PLCB4: variants seen among roughly 807,000 people sequenced by gnomAD.
The protein encoded by PLCB4 is phospholipase C beta 4.
Under a neutral mutation model 178.8 loss-of-function variants are expected in PLCB4, and 77 were observed. The ratio of observed to expected loss-of-function variants is 0.43; its 90% CI spans 0.36 to 0.52. PLCB4 has a LOEUF of 0.52. Among genes scored for constraint, PLCB4 ranks in the 20% least tolerant of loss-of-function variants. The probability of loss-of-function intolerance (pLI) is 0.00; values close to 1 mark genes in which losing one functional copy is unlikely to be tolerated. For synonymous variants in PLCB4, 496 were observed against 490.8 expected (o/e 1.01, Z -0.14); for missense variants, 1,024 against 1,453.4 (o/e 0.70, Z 4.80).
intron 3 of PLCB4, among the ~76,000 whole-genome samples, chr20:9,295,876 T>A (rs1333741040): frequency 6.6e-6 from 1 of 152,080 alleles, no homozygotes; most frequent in Non-Finnish European, 1.5e-5. Context: ...CTTTGTTCTT[T>A]TGGCTTAGAC....
intron 3 of PLCB4, among the ~76,000 whole-genome samples, chr20:9,285,088 A>G (rs1015336205): frequency 6.6e-6 from 1 of 151,730 alleles, no homozygotes; most frequent in Non-Finnish European, 1.5e-5. Flanking sequence ...GAAAACCATC[A>G]AAAAACAAGG....
At chr20:9,233,990 T>C (rs1403709904) in intron 3 of PLCB4, among the ~76,000 whole-genome samples, 1 of 152,074 alleles carries the variant, frequency 6.6e-6, no homozygotes, top group Non-Finnish European at 1.5e-5. Context: ...AGGTAGCTAT[T>C]GGATTAACAC....
At chr20:9,104,736 C>G (rs1019062129) in intron 2 of PLCB4, among the ~76,000 whole-genome samples, 1 of 151,824 alleles carries the variant, frequency 6.6e-6, no homozygotes, top group African/African-American at 2.4e-5. Flanking sequence ...TTCTCTCTTC[C>G]CAGAATATTA....
chr20:9,380,007 C>T (rs2037004691), intron 12 of PLCB4, 47 bp from the exon 13 acceptor site: 2 of 991,068 alleles, frequency 2.0e-6, no homozygotes, highest in Non-Finnish European at 3.2e-6. Context: ...TCTAATGCCT[C>T]AAGGCCAAGA....
At chr20:9,395,395 G>A in intron 18 of PLCB4, 128 bp from the exon 19 acceptor site, 1 of 646,770 alleles carries the variant, frequency 1.5e-6, no homozygotes, top group Non-Finnish European at 2.8e-6. Context: ...TTAGAAACAT[G>A]GTGCCTTGGT....
chr20:9,171,747 T>C (rs1381771656), intron 2 of PLCB4, among the ~76,000 whole-genome samples: 1 of 152,188 alleles, frequency 6.6e-6, no homozygotes, highest in Non-Finnish European at 1.5e-5. Context: ...GATGATGTAA[T>C]TGGAGGCGGC....
At chr20:9,088,178 CTTTTTTTTT>C (rs10554943) in intron 1 of PLCB4, among the ~76,000 whole-genome samples, 8 of 99,194 alleles carry the variant, frequency 8.1e-5, no homozygotes, top group East Asian at 2.3e-4. Flanking sequence ...CTTTTCTTTT[CTTTTTTTTT>C]TTTTTTTTTG....
chr20:9,454,555 G>GT (rs896837112), intron 33 of PLCB4, among the ~76,000 whole-genome samples: 3 of 152,226 alleles, frequency 2.0e-5, no homozygotes, highest in Admixed American at 1.3e-4. Context: ...TCCTACTTGG[G>GT]TTTTTTGGCA....
intron 28 of PLCB4, among the ~76,000 whole-genome samples, chr20:9,432,217 C>G (rs1191528406): frequency 6.6e-6 from 1 of 152,052 alleles, no homozygotes; most frequent in Non-Finnish European, 1.5e-5. Context: ...CAAAAATATA[C>G]AAAAATGCTT....
intron 2 of PLCB4, among the ~76,000 whole-genome samples, chr20:9,119,518 G>GAA (rs11481752): frequency 1.6e-3 from 212 of 131,550 alleles, no homozygotes; most frequent in Non-Finnish European, 2.4e-3. Context: ...AGAGAAAGGA[G>GAA]AAAAAAAAAA....
intron 2 of PLCB4, among the ~76,000 whole-genome samples, chr20:9,117,329 A>G (rs2091814997): frequency 6.6e-6 from 1 of 152,198 alleles, no homozygotes; most frequent in Non-Finnish European, 1.5e-5. Context: ...ATATTTTTAC[A>G]GCTCAGGATA....
intron 4 of PLCB4, among the ~76,000 whole-genome samples, chr20:9,331,582 T>C (rs1174423632): frequency 5.9e-5 from 9 of 152,222 alleles, no homozygotes; most frequent in Non-Finnish European, 1.2e-4. Flanking sequence ...CCTGCTGAAC[T>C]CTCTGACATT....
chr20:9,359,748 A>G (rs921173227), intron 7 of PLCB4, among the ~76,000 whole-genome samples: 4 of 152,172 alleles, frequency 2.6e-5, no homozygotes, highest in Non-Finnish European at 4.4e-5. Context: ...TGATTACCAC[A>G]CGAGCTTATT....
intron 19 of PLCB4, among the ~76,000 whole-genome samples, 167 bp from the exon 20 acceptor site, chr20:9,401,322 GT>G (rs1017881752): frequency 6.6e-6 from 1 of 152,212 alleles, no homozygotes; most frequent in Non-Finnish European, 1.5e-5. Flanking sequence ...ATAGGTAAGA[GT>G]TTAGTGAGAG....
chr20:9,270,613 A>T (rs535272665), intron 3 of PLCB4, among the ~76,000 whole-genome samples: 6 of 152,230 alleles, frequency 3.9e-5, no homozygotes, highest in East Asian at 1.9e-4. Context: ...ATATATTTTT[A>T]AAAAATAACA....
At chr20:9,413,834 C>T (rs2238696) in intron 25 of PLCB4, among the ~76,000 whole-genome samples, 5,566 of 152,222 alleles carry the variant, frequency 0.037, 279 homozygotes, top group East Asian at 0.24. Flanking sequence ...AAACGTGGCT[C>T]ATTGAGGCCT....
At chr20:9,342,262 T>C (rs535779704) in intron 7 of PLCB4, among the ~76,000 whole-genome samples, 2 of 152,284 alleles carry the variant, frequency 1.3e-5, no homozygotes, top group East Asian at 3.9e-4. Flanking sequence ...CACATAGATA[T>C]AATTACCTCA....
At chr20:9,135,839 G>C (rs1003535879) in intron 2 of PLCB4, among the ~76,000 whole-genome samples, 1 of 152,062 alleles carries the variant, frequency 6.6e-6, no homozygotes, top group Admixed American at 6.6e-5. Flanking sequence ...GGAGTTGTGC[G>C]TAAGTCCTAG....
At chr20:9,442,347 G>A (rs377465711) in intron 30 of PLCB4, among the ~76,000 whole-genome samples, 13 of 151,634 alleles carry the variant, frequency 8.6e-5, no homozygotes, top group African/African-American at 2.7e-4. Flanking sequence ...TTCTTGGCAC[G>A]CAGATGGAAC....
Sources: gnomAD v4.1 joint callset for allele counts (sites outside exome capture counted in the v4.1 genomes callset) on GRCh38, gnomAD v4.1.1 for gene constraint, MANE v1.5 for transcripts, NCBI Gene and HGNC (gene_info 2026-07-23, HGNC 2026-07-21) for gene names.